DLC1: variants seen among roughly 807,000 people sequenced by gnomAD.
The protein encoded by DLC1 is DLC1 Rho GTPase activating protein.
In DLC1, 54 loss-of-function variants were observed where a neutral mutation model predicts 140.3. The ratio of observed to expected loss-of-function variants is 0.38; its 90% confidence interval spans 0.31 to 0.48. The LOEUF is 0.48. DLC1 is among the 20% of genes least tolerant of loss of function. The pLI is 0.96. For synonymous variants in DLC1, 986 were observed against 728.1 expected (o/e 1.35, Z -5.70); for missense variants, 2,536 against 1,907.0 (o/e 1.33, Z -6.14).
chr8:13,322,293 A>G (rs1833156639), intron 4 of DLC1, among the ~76,000 whole-genome samples: 1 of 152,210 alleles, frequency 6.6e-6, no homozygotes, highest in African/African-American at 2.4e-5. Flanking sequence ...TGCTAAAATA[A>G]ACAAATAATA....
At chr8:13,376,450 C>A (rs537361690) in intron 4 of DLC1, among the ~76,000 whole-genome samples, 3 of 152,292 alleles carry the variant, frequency 2.0e-5, no homozygotes, top group Admixed American at 6.5e-5. Context: ...TCCCACCCAT[C>A]TATGAGGTGT....
chr8:13,151,118 A>G (rs1823776174), intron 5 of DLC1, among the ~76,000 whole-genome samples: 1 of 152,220 alleles, frequency 6.6e-6, no homozygotes, highest in Non-Finnish European at 1.5e-5. Context: ...GAATCCTTAT[A>G]AAACACGGGT....
intron 1 of DLC1, among the ~76,000 whole-genome samples, chr8:13,570,456 C>A (rs1397352261): frequency 3.2e-5 from 4 of 125,964 alleles, no homozygotes; most frequent in Non-Finnish European, 6.6e-5. Flanking sequence ...TCCCCCCACC[C>A]CACCACAGTC....
chr8:13,454,176 A>G (rs1486943991), intron 2 of DLC1, among the ~76,000 whole-genome samples: 1 of 152,206 alleles, frequency 6.6e-6, no homozygotes, highest in East Asian at 1.9e-4. Context: ...ATGTTTGTCC[A>G]ACAAAATGCT....
chr8:13,267,759 T>C, intron 5 of DLC1, among the ~76,000 whole-genome samples: 1 of 151,324 alleles, frequency 6.6e-6, no homozygotes, highest in African/African-American at 2.4e-5. Context: ...TGTGTGTGTG[T>C]GTGTGTGTGT....
At chr8:13,302,554 T>C (rs558311786) in intron 5 of DLC1, among the ~76,000 whole-genome samples, 17 of 152,178 alleles carry the variant, frequency 1.1e-4, no homozygotes, top group Admixed American at 3.3e-4. Context: ...ACAACTGTAA[T>C]TGAAGGATGA....
At chr8:13,350,737 A>G (rs1251680812) in intron 4 of DLC1, among the ~76,000 whole-genome samples, 1 of 152,066 alleles carries the variant, frequency 6.6e-6, no homozygotes, top group Non-Finnish European at 1.5e-5. Flanking sequence ...AAATAAATAA[A>G]TATAAAGAGA....
intron 1 of DLC1, chr8:13,566,868 G>A: frequency 7.8e-7 from 1 of 1,280,150 alleles, no homozygotes; most frequent in Non-Finnish European, 1.0e-6. Context: ...GCGTCTCCCG[G>A]AAGACGACCT....
chr8:13,125,887 T>C (rs978355238), intron 5 of DLC1, among the ~76,000 whole-genome samples: 3 of 152,050 alleles, frequency 2.0e-5, no homozygotes, highest in Non-Finnish European at 2.9e-5. Flanking sequence ...GGTTTTGCCT[T>C]GAAAGGAGGA....
At chr8:13,546,209 C>T (rs1446820064) in intron 1 of DLC1, among the ~76,000 whole-genome samples, 1 of 152,076 alleles carries the variant, frequency 6.6e-6, no homozygotes, top group Non-Finnish European at 1.5e-5. Flanking sequence ...GCAATAATCA[C>T]AGACCACTAT....
At position 13,285,800 on chromosome 8, in the gene DLC1, G is replaced by T. The variant is rs1462561103; in HGVS notation, c.1348+19469C>A. On this transcript the variant is annotated intron_variant, in intron 5 of 17. Coordinates refer to ENST00000276297, the MANE Select transcript of DLC1 (RefSeq NM_182643.3). ...AATTCCACTCCTAGGAATTACTAAAGATATATAAAAATATATCTTTGTACA... is the reference window on the plus strand; with the variant it reads ...AATTCCACTCCTAGGAATTACTAAATATATATAAAAATATATCTTTGTACA... 5.3e-5 allele frequency among the ~76,000 whole-genome samples: 8 copies of T among 152,148 alleles called. No individual in the cohort carries two copies. In the East Asian group the frequency reaches 1.6e-3, roughly 29 times the overall value.
intron 2 of DLC1, among the ~76,000 whole-genome samples, chr8:13,442,379 C>T (rs1446475030): frequency 1.3e-5 from 2 of 152,168 alleles, no homozygotes; most frequent in African/African-American, 4.8e-5. Flanking sequence ...TAAGGAGCTT[C>T]TGCACAGCAA....
At chr8:13,420,049 C>T (rs553636502) in intron 2 of DLC1, among the ~76,000 whole-genome samples, 16 of 152,096 alleles carry the variant, frequency 1.1e-4, no homozygotes, top group East Asian at 7.7e-4. Flanking sequence ...TCTGTGGGAT[C>T]GGTGGTGATA....
At chr8:13,491,647 G>C (rs1258331760) in intron 2 of DLC1, among the ~76,000 whole-genome samples, 1 of 152,106 alleles carries the variant, frequency 6.6e-6, no homozygotes, top group Non-Finnish European at 1.5e-5. Flanking sequence ...GAGTTCTTTT[G>C]TGGCACAGTG....
At chr8:13,140,775 G>T (rs1822921795) in intron 5 of DLC1, among the ~76,000 whole-genome samples, 1 of 151,488 alleles carries the variant, frequency 6.6e-6, no homozygotes, top group Admixed American at 6.6e-5. Context: ...TTTCCTATAG[G>T]GCTTGACCCC....
rs1303996048 is a variant in DLC1, at chr8:13,115,664, C to T, written c.1349-7G>A. 6.2e-7 allele frequency: 1 copy of T among 1,613,736 alleles called. No individual in the cohort carries two copies. The highest frequency in any genetic ancestry group is 1.1e-5 in the South Asian group (1 of 90,988). ...GCTTCCTTGGCTTCAATTTCTAGAA[C>T]AGAACAGAAGAAAGACAAAATTAGC... On this transcript the variant is annotated splice_region_variant and splice_polypyrimidine_tract_variant and intron_variant, in intron 5 of 17. Transcript: ENST00000276297.
chr8:13,316,322 G>A (rs886251828), intron 4 of DLC1, among the ~76,000 whole-genome samples: 10 of 152,090 alleles, frequency 6.6e-5, no homozygotes, highest in African/African-American at 2.4e-4. Flanking sequence ...CAGCAGTTTT[G>A]TCCTAGTATA....
At chr8:13,589,689 G>GTT (rs5889464) in intron 1 of DLC1, among the ~76,000 whole-genome samples, 1 of 145,622 alleles carries the variant, frequency 6.9e-6, no homozygotes, top group African/African-American at 2.5e-5. Context: ...AGAATGCTCT[G>GTT]TTTTTTTTTT....
At chr8:13,288,073 T>C (rs1305629543) in intron 5 of DLC1, among the ~76,000 whole-genome samples, 1 of 152,186 alleles carries the variant, frequency 6.6e-6, no homozygotes, top group Non-Finnish European at 1.5e-5. Flanking sequence ...GCTCAGTTTT[T>C]AGAAGTGTAT....
Sources: allele counts gnomAD v4.1 joint callset (sites outside exome capture counted in the v4.1 genomes callset), GRCh38; gene constraint gnomAD v4.1.1; transcripts MANE v1.5; gene names NCBI Gene and HGNC (gene_info 2026-07-23, HGNC 2026-07-21).